PSG3: variants seen among roughly 807,000 people sequenced by gnomAD.
The protein encoded by PSG3 is pregnancy specific beta-1-glycoprotein 3, also known as pregnancy-specific beta-1-glycoprotein 3.
In PSG3, 61 loss-of-function variants were observed where a neutral mutation model predicts 47.5. That is an observed-to-expected ratio of 1.28 (90% CI 1.05 to 1.59). PSG3 has a LOEUF of 1.59. Among genes scored for constraint, PSG3 ranks in the 40% most tolerant of loss-of-function variants. The pLI, the probability that PSG3 is intolerant of heterozygous loss-of-function variation, is 0.00. For missense variants in PSG3, 756 were observed against 524.0 expected (o/e 1.44, Z -4.32); for synonymous variants, 263 against 198.4 (o/e 1.33, Z -2.74).
intron 1 of PSG3, among the ~76,000 whole-genome samples, chr19:42,739,679 T>TC (rs936702630): frequency 6.6e-6 from 1 of 151,866 alleles, no homozygotes; most frequent in Admixed American, 6.5e-5. Context: ...TGTTTTTTCT[T>TC]CCCCCAGTTG....
At chr19:42,726,499 C>T (rs1473202190) in intron 5 of PSG3, among the ~76,000 whole-genome samples, 1 of 151,742 alleles carries the variant, frequency 6.6e-6, no homozygotes, top group Non-Finnish European at 1.5e-5. Context: ...TAACCATGAA[C>T]AATCTGAAGG....
rs758635644 is a variant in PSG3, at chr19:42,733,006, C to T, written c.487G>A (p.Glu163Lys). The change falls in exon 3 of 7, where the codon GAG (glutamate) becomes AAG (lysine). Residue 163 changes from glutamate to lysine, a missense_variant. By Grantham distance (56) the Glu-to-Lys change is moderately conservative. Coordinates refer to ENST00000327495, the MANE Select transcript of PSG3 (RefSeq NM_021016.4). ...GGATCACAGGTTAAGCTCACAGCCT[C>T]CATGTCCTCCCTGGGGTATAAGTTG... ...SSNLYPREDM[E>K]AVSLTCDPET... The T allele has an allele frequency of 8.1e-6, 13 of 1,614,146 alleles. No homozygotes were observed. In the South Asian group the frequency reaches 1.3e-4, roughly 16 times the overall value.
In PSG3 at chr19:42,738,859, C is replaced by G. The variant is rs780459484; in HGVS notation, c.295G>C (p.Glu99Gln). The G allele has an allele frequency of 5.6e-6, 9 of 1,614,148 alleles. No individual in the cohort carries two copies. In the East Asian group the frequency reaches 8.9e-5, roughly 16 times the overall value. ...IIYGPAYSGR[E>Q]TVYSNASLLI... ...AGGGATGCATTGGAATATACTGTTT[C>G]TCGTCCACTGTATGCAGGCCCATAT... Residue 99 changes from glutamate (E) to glutamine (Q), a missense_variant, in exon 2 of 7, where the codon GAA becomes CAA. Physicochemically the swap from Glu to Gln is conservative, Grantham distance 29. Transcript: ENST00000327495.
At chr19:42,728,397 G>A (rs1299297890) in intron 5 of PSG3, among the ~76,000 whole-genome samples, 2 of 152,150 alleles carry the variant, frequency 1.3e-5, no homozygotes, top group Non-Finnish European at 2.9e-5. Context: ...CCTCCGTGCT[G>A]TGTCCCAGGT....
At position 42,729,809 on chromosome 19, in the gene PSG3, G is replaced by C; in HGVS notation, c.957C>G (p.Ile319Met). Residue 319 changes from isoleucine to methionine, a missense_variant, in exon 4 of 7, where the codon ATC (isoleucine) becomes ATG (methionine). Physicochemically the swap from Ile to Met is conservative, Grantham distance 10 (BLOSUM62 1). Coordinates refer to ENST00000327495, the MANE Select transcript of PSG3 (RefSeq NM_021016.4). ...CATTCAGGGTGACTGGGTAACTGCG[G>C]ATGCCACCATATCGGTCCTGTATTT... ...QCEIQDRYGG[I>M]RSYPVTLNVL... 1 of 1,613,782 alleles carries C rather than the reference G, an allele frequency of 6.2e-7. No individual in the cohort carries two copies. Among genetic ancestry groups the C allele is most frequent in the South Asian group, 1.1e-5 (1 of 91,068 alleles).
chr19:42,737,587 A>G (rs1033480018), intron 2 of PSG3, among the ~76,000 whole-genome samples: 22 of 152,126 alleles, frequency 1.4e-4, no homozygotes, highest in Admixed American at 5.9e-4. Context: ...GTTCTGGAAT[A>G]CAGACTAATC....
chr19:42,739,225 C>A, intron 1 of PSG3, 136 bp from the exon 2 acceptor site: 1 of 1,343,418 alleles, frequency 7.4e-7, no homozygotes, highest in Non-Finnish European at 1.0e-6. Flanking sequence ...AACACACACA[C>A]ACACACAAAA....
intron 6 of PSG3, among the ~76,000 whole-genome samples, 168 bp from the exon 7 acceptor site, chr19:42,722,258 AT>A (rs976471251): frequency 2.7e-5 from 4 of 150,896 alleles, no homozygotes; most frequent in South Asian, 2.1e-4. Context: ...CATTAAAAAA[AT>A]TTTTTTTTTG....
chr19:42,736,377 C>G (rs1969562658), intron 2 of PSG3, among the ~76,000 whole-genome samples: 1 of 152,184 alleles, frequency 6.6e-6, no homozygotes. Flanking sequence ...CATGTGGTCC[C>G]TACCTAGAGG....
chr19:42,726,243 G>A (rs534638000), intron 5 of PSG3, among the ~76,000 whole-genome samples: 18 of 152,136 alleles, frequency 1.2e-4, no homozygotes, highest in East Asian at 1.9e-4. Flanking sequence ...CAAGACAAGG[G>A]TGCCTGCTTT....
chr19:42,738,690 C>A, intron 2 of PSG3, 34 bp downstream of exon 2: 1 of 1,612,444 alleles, frequency 6.2e-7, no homozygotes, highest in South Asian at 1.1e-5. Context: ...AGACCCCATC[C>A]CCCAACACCC....
Position 42,738,351 on chromosome 19 carries a change from A to T in PSG3, c.430+373T>A, listed in dbSNP as rs185340904. Among the ~76,000 whole-genome samples, 8 of 152,290 alleles carry T rather than the reference A, an allele frequency of 5.3e-5. No individual in the cohort carries two copies. In the East Asian group the frequency reaches 1.5e-3, roughly 29 times the overall value. Reference sequence around the variant, plus strand: ...ACATGGTTCTGGGGGTGAGGCTTCTAGGGCTGAGCTTCTCTGAGAGTATTT... The same window carrying T: ...ACATGGTTCTGGGGGTGAGGCTTCTTGGGCTGAGCTTCTCTGAGAGTATTT... On this transcript the variant is annotated intron_variant, in intron 2 of 6. Transcript: ENST00000327495.
chr19:42,723,888 C>G, intron 6 of PSG3, 54 bp downstream of exon 6: 1 of 1,402,586 alleles, frequency 7.1e-7, no homozygotes, highest in Non-Finnish European at 1.0e-6. Context: ...TTCCCTCTCC[C>G]AAGCATGGCA....
intron 5 of PSG3, among the ~76,000 whole-genome samples, chr19:42,728,007 A>G (rs1969403924): frequency 6.6e-6 from 1 of 152,224 alleles, no homozygotes; most frequent in South Asian, 2.1e-4. Flanking sequence ...GCTAACTGAA[A>G]TAAGCCAGAC....
intron 5 of PSG3, among the ~76,000 whole-genome samples, chr19:42,725,511 C>T (rs1221603709): frequency 1.8e-4 from 27 of 151,964 alleles, no homozygotes; most frequent in South Asian, 8.3e-4. Flanking sequence ...AATTGACAAC[C>T]ATTAACTAGA....
At chr19:42,732,664 G>A in intron 3 of PSG3, 120 bp downstream of exon 3, 1 of 1,609,938 alleles carries the variant, frequency 6.2e-7, no homozygotes, top group Middle Eastern at 1.7e-4. Context: ...TCATGGCCAG[G>A]TTTGATGTCC....
chr19:42,735,428 A>T (rs1215012139), intron 2 of PSG3, among the ~76,000 whole-genome samples: 1 of 151,876 alleles, frequency 6.6e-6, no homozygotes, highest in Non-Finnish European at 1.5e-5. Flanking sequence ...GTGCAGTGGC[A>T]TGATCTCATC....
rs767314495 is a variant in PSG3, at chr19:42,723,973, T to G, written c.*9A>C. 6.2e-7 allele frequency: 1 copy of G among 1,606,604 alleles called. No homozygotes were observed. Among genetic ancestry groups the G allele is most frequent in the Admixed American group, 1.7e-5 (1 of 60,006 alleles). On this transcript the variant is annotated 3_prime_UTR_variant, in exon 6 of 7. Coordinates refer to ENST00000327495, the MANE Select transcript of PSG3 (RefSeq NM_021016.4). ...GTCTTCCTGAAATACAGAAATGACA[T>G]CACGGCTGCTATAATGGATTAAGGC...
intron 6 of PSG3, among the ~76,000 whole-genome samples, chr19:42,722,300 G>C (rs1969311065): frequency 2.0e-5 from 3 of 152,076 alleles, no homozygotes; most frequent in Non-Finnish European, 4.4e-5. Context: ...ACCCAGGCTG[G>C]AGTGCAGTGG....
Sources: gnomAD v4.1 joint callset for allele counts (sites outside exome capture counted in the v4.1 genomes callset) on GRCh38, gnomAD v4.1.1 for gene constraint, MANE v1.5 for transcripts, NCBI Gene and HGNC (gene_info 2026-07-23, HGNC 2026-07-21) for gene names.